Variants in CACNA2D1 observed in about 807,000 individuals in gnomAD.
CACNA2D1 encodes voltage-dependent calcium channel subunit alpha-2/delta-1.
A neutral mutation model predicts 171.5 loss-of-function variants in CACNA2D1; 53 were observed. The ratio of observed to expected loss-of-function variants is 0.31; its 90% CI spans 0.25 to 0.39. The LOEUF (loss-of-function observed/expected upper bound fraction) is 0.39, where lower values mean the gene tolerates loss of function less well. Ranked by LOEUF, CACNA2D1 falls within the 10% of genes least tolerant of loss-of-function variation. CACNA2D1 has a pLI of 1.00. For missense variants in CACNA2D1, 903 were observed against 1,299.8 expected, an observed-to-expected ratio of 0.69 and a Z score of 4.69; for synonymous variants, 442 against 443.1, an observed-to-expected ratio of 1.00 and a Z score of 0.03.
rs566144312 is a variant in CACNA2D1 at position 81,950,550 on chromosome 7, C to A, written c.3160-42G>T. On this transcript the variant is annotated intron_variant, in intron 38 of 38. Coordinates refer to ENST00000356860, the MANE Select transcript of CACNA2D1 (RefSeq NM_000722.4). ...AAGAAAAGAACAGAAAAAGAAAAAT[C>A]TAAAAATCTTGAAAAATATTTAGTA... The A allele has an allele frequency of 2.5e-6, 4 of 1,569,796 alleles. No homozygotes were observed. In the Admixed American group the frequency reaches 5.6e-5, roughly 22 times the overall value.
chr7:82,080,080 C>T (rs929251406), intron 7 of CACNA2D1, among the ~76,000 whole-genome samples: 2 of 147,256 alleles, frequency 1.4e-5, no homozygotes, highest in South Asian at 2.2e-4. Context: ...TATATATATG[C>T]GTACATATGT....
chr7:82,117,904 TA>T (rs1789269500), intron 5 of CACNA2D1, among the ~76,000 whole-genome samples: 1 of 152,194 alleles, frequency 6.6e-6, no homozygotes, highest in African/African-American at 2.4e-5. Flanking sequence ...TAACTAAATT[TA>T]TATTGTGCAG....
intron 7 of CACNA2D1, among the ~76,000 whole-genome samples, chr7:82,074,061 A>C (rs756329323): frequency 1.3e-5 from 2 of 152,228 alleles, no homozygotes; most frequent in South Asian, 2.1e-4. Context: ...TAAACAATGA[A>C]GTTTGAACTG....
chr7:82,219,246 G>C (rs1256988808), intron 3 of CACNA2D1, among the ~76,000 whole-genome samples: 1 of 152,064 alleles, frequency 6.6e-6, no homozygotes, highest in Non-Finnish European at 1.5e-5. Context: ...CTGCTACTTA[G>C]TAGGAAATAA....
chr7:81,968,841 A>G, intron 29 of CACNA2D1, 46 bp downstream of exon 29: 1 of 1,014,740 alleles, frequency 9.9e-7, no homozygotes, highest in Non-Finnish European at 1.6e-6. Context: ...AATGCCAAGT[A>G]ACATTTAATT....
At chr7:82,247,592 T>C (rs917746443) in intron 3 of CACNA2D1, among the ~76,000 whole-genome samples, 3 of 152,168 alleles carry the variant, frequency 2.0e-5, no homozygotes, top group South Asian at 2.1e-4. Flanking sequence ...AATCCAAGCA[T>C]GCATTGCTGA....
intron 1 of CACNA2D1, among the ~76,000 whole-genome samples, chr7:82,381,936 C>A (rs1255306950): frequency 7.2e-6 from 1 of 139,176 alleles, no homozygotes; most frequent in Middle Eastern, 3.6e-3. Flanking sequence ...GTTTTATATT[C>A]ATAGAAGTGT....
At chr7:82,210,804 TG>T (rs1800471774) in intron 3 of CACNA2D1, among the ~76,000 whole-genome samples, 1 of 152,262 alleles carries the variant, frequency 6.6e-6, no homozygotes, top group Non-Finnish European at 1.5e-5. Context: ...ATTCTCCTGT[TG>T]TTTCCCTTTT....
chr7:82,306,286 A>T (rs1490600378), intron 3 of CACNA2D1, among the ~76,000 whole-genome samples: 1 of 152,116 alleles, frequency 6.6e-6, no homozygotes, highest in Non-Finnish European at 1.5e-5. Context: ...GAGAACCCTA[A>T]GACAAGTAAG....
At chr7:82,106,234 G>A (rs552142570) in intron 6 of CACNA2D1, among the ~76,000 whole-genome samples, 10 of 151,964 alleles carry the variant, frequency 6.6e-5, no homozygotes, top group African/African-American at 1.5e-4. Context: ...TTTTATCCAC[G>A]AAGTCAAATG....
chr7:82,233,041 GC>G lies in CACNA2D1; in HGVS notation c.295-62433del, dbSNP rs556240777. 1.6e-3 allele frequency among the ~76,000 whole-genome samples: 239 copies of G among 152,056 alleles called. 1 individual carries two copies. Among genetic ancestry groups the G allele is most frequent in the African/African-American group, 5.6e-3 (233 of 41,484 alleles). On this transcript the variant is annotated intron_variant, in intron 3 of 38. Transcript: ENST00000356860. ...AGACGTGTCCAAACGTTGAAAATCA[GC>G]TAGCAAATTTCTTATAACGGGGAAG... is the stretch of plus-strand genomic sequence containing the variant.
rs141797273 is a variant in CACNA2D1, at chr7:82,202,743, G to T, written c.295-32134C>A. ...TTGCTGTGAATGCAGGCCTGGGTCC[G>T]TTGTCTCAGTCGGAGACCCCATTAG... is the stretch of plus-strand genomic sequence containing the variant. On this transcript the variant is annotated intron_variant, in intron 3 of 38. Coordinates refer to ENST00000356860, the MANE Select transcript of CACNA2D1 (RefSeq NM_000722.4). 1.4e-3 allele frequency among the ~76,000 whole-genome samples: 214 copies of T among 152,168 alleles called. No homozygotes were observed. In the Middle Eastern group the frequency reaches 0.024, roughly 17 times the overall value.
chr7:82,057,062 G>T (rs1805990653), intron 10 of CACNA2D1, among the ~76,000 whole-genome samples: 1 of 152,148 alleles, frequency 6.6e-6, no homozygotes, highest in African/African-American at 2.4e-5. Context: ...TGGGGATGTT[G>T]TCTTCAAAAT....
At chr7:82,345,293 T>C in intron 2 of CACNA2D1, among the ~76,000 whole-genome samples, 1 of 152,194 alleles carries the variant, frequency 6.6e-6, no homozygotes, top group East Asian at 1.9e-4. Flanking sequence ...TTGAGTAGCA[T>C]ATTGAAATGT....
At chr7:82,186,512 C>T (rs1239811420) in intron 3 of CACNA2D1, among the ~76,000 whole-genome samples, 1 of 152,120 alleles carries the variant, frequency 6.6e-6, no homozygotes, top group Non-Finnish European at 1.5e-5. Flanking sequence ...TTACTTCCTG[C>T]CATTGGCATT....
intron 1 of CACNA2D1, among the ~76,000 whole-genome samples, chr7:82,386,095 T>C (rs1261149732): frequency 6.6e-6 from 1 of 152,224 alleles, no homozygotes; most frequent in Non-Finnish European, 1.5e-5. Context: ...TTGGAATGAC[T>C]ATGCATTCTT....
intron 3 of CACNA2D1, among the ~76,000 whole-genome samples, chr7:82,307,404 G>A (rs959689395): frequency 1.1e-4 from 16 of 151,584 alleles, no homozygotes; most frequent in South Asian, 4.2e-4. Context: ...TGATCCTCCC[G>A]CCTCTGCCTC....
At chr7:82,154,634 C>T (rs1411949228) in intron 4 of CACNA2D1, among the ~76,000 whole-genome samples, 7 of 152,072 alleles carry the variant, frequency 4.6e-5, no homozygotes, top group Non-Finnish European at 2.9e-5. Flanking sequence ...AAAATACATG[C>T]TCACGTAAAT....
intron 18 of CACNA2D1, chr7:82,001,830 T>C (rs1253967203): frequency 3.7e-6 from 1 of 271,408 alleles, no homozygotes; most frequent in East Asian, 1.0e-4. Flanking sequence ...GTCTAAATGA[T>C]AGAATTCAAA....
Sources: gnomAD v4.1 joint callset for allele counts (sites outside exome capture counted in the v4.1 genomes callset) on GRCh38, gnomAD v4.1.1 for gene constraint, MANE v1.5 for transcripts, NCBI Gene and HGNC (gene_info 2026-07-23, HGNC 2026-07-21) for gene names.